Variants in DAB1 observed in about 807,000 individuals in gnomAD.
DAB1 encodes the protein DAB adaptor protein 1.
Under a neutral mutation model 64.6 loss-of-function variants are expected in DAB1, and 15 were observed. That is an observed-to-expected ratio of 0.23 (90% CI 0.16 to 0.36). The LOEUF is 0.36. Among genes scored for constraint, DAB1 ranks in the 10% least tolerant of loss-of-function variants. The pLI, the probability that DAB1 is intolerant of heterozygous loss-of-function variation, is 1.00. For missense variants in DAB1, 596 were observed against 706.7 expected (o/e 0.84, Z 1.78); for synonymous variants, 235 against 251.9 (o/e 0.93, Z 0.64).
intron 4 of DAB1, among the ~76,000 whole-genome samples, chr1:58,157,257 C>CT (rs1237450967): frequency 6.6e-6 from 1 of 152,198 alleles, no homozygotes; most frequent in Admixed American, 6.5e-5. Flanking sequence ...TTCAGCCCCC[C>CT]TCTGCTGAAA....
rs573103769 is a variant in DAB1, at chr1:57,057,823, T to C, written c.723+5061A>G. Among the ~76,000 whole-genome samples the C allele has an allele frequency of 1.5e-4, 23 of 152,090 alleles. No individual in the cohort carries two copies. The South Asian group carries it at 3.7e-3, about 25-fold the overall frequency. On this transcript the variant is annotated intron_variant, in intron 9 of 14. Transcript: ENST00000371236. ...CGGGGTTTCACTGTATTAGCCAGGATGGTCTCGATCTCCTGACCTCCTGAT... is the reference window on the plus strand; with the variant it reads ...CGGGGTTTCACTGTATTAGCCAGGACGGTCTCGATCTCCTGACCTCCTGAT...
At chr1:57,183,187 G>A (rs74074152) in intron 2 of DAB1, among the ~76,000 whole-genome samples, 6,328 of 152,176 alleles carry the variant, frequency 0.042, 205 homozygotes, top group South Asian at 0.14. Context: ...TGAAACTGAC[G>A]GGGAACTGCC....
chr1:57,006,256 A>G (rs903645329), intron 14 of DAB1, among the ~76,000 whole-genome samples: 1 of 152,160 alleles, frequency 6.6e-6, no homozygotes, highest in African/African-American at 2.4e-5. Flanking sequence ...TTTGATCTCC[A>G]GAGGTTGTAT....
At chr1:57,131,535 C>G (rs1657651760) in intron 4 of DAB1, among the ~76,000 whole-genome samples, 1 of 152,170 alleles carries the variant, frequency 6.6e-6, no homozygotes, top group African/African-American at 2.4e-5. Flanking sequence ...GCCTCCTCAG[C>G]TTTTTCCTAA....
chr1:58,529,949 C>T lies in DAB1; in HGVS notation n.33-2614G>A, dbSNP rs191430906. 4.9e-3 allele frequency among the ~76,000 whole-genome samples: 742 copies of T among 152,092 alleles called. 3 individuals carry two copies. Among genetic ancestry groups the T allele is most frequent in the Non-Finnish European group, 8.3e-3 (564 of 67,966 alleles). On this transcript the variant is annotated intron_variant and non_coding_transcript_variant, in intron 1 of 20. Coordinates refer to the DAB1 transcript ENST00000485760. The stretch of plus-strand genomic sequence containing the variant: ...AGGCTGGAGTGCAGTGGCGCAATCT[C>T]GGCTCACAGCAAGCTCTGCCTCCTG...
chr1:57,573,613 A>T (rs1645216724), intron 7 of DAB1, among the ~76,000 whole-genome samples: 1 of 152,170 alleles, frequency 6.6e-6, no homozygotes, highest in Non-Finnish European at 1.5e-5. Context: ...ATAATCTCTT[A>T]ACTATGTCTG....
chr1:57,816,091 T>A (rs1244828999), intron 6 of DAB1, among the ~76,000 whole-genome samples: 1 of 152,222 alleles, frequency 6.6e-6, no homozygotes, highest in Non-Finnish European at 1.5e-5. Flanking sequence ...GTGAGAGTAC[T>A]GAGCTCAAAG....
intron 6 of DAB1, among the ~76,000 whole-genome samples, chr1:57,816,933 G>A (rs1356668062): frequency 1.3e-5 from 2 of 152,122 alleles, no homozygotes; most frequent in East Asian, 3.8e-4. Flanking sequence ...TTGTGCAATG[G>A]CATGTCCCCT....
At chr1:57,901,956 CAA>C in intron 5 of DAB1, among the ~76,000 whole-genome samples, 1 of 151,886 alleles carries the variant, frequency 6.6e-6, no homozygotes, top group African/African-American at 2.4e-5. Context: ...AACAAACAAA[CAA>C]ACACGCGGGC....
chr1:57,257,646 T>C (rs1431781241), intron 2 of DAB1, among the ~76,000 whole-genome samples: 1 of 152,168 alleles, frequency 6.6e-6, no homozygotes, highest in Non-Finnish European at 1.5e-5. Flanking sequence ...GCCTAAAATA[T>C]CTGAAATTTA....
At chr1:57,947,005 G>A (rs946914179) in intron 5 of DAB1, among the ~76,000 whole-genome samples, 1 of 152,120 alleles carries the variant, frequency 6.6e-6, no homozygotes, top group African/African-American at 2.4e-5. Context: ...AATAGTCATA[G>A]TCTTAGTATC....
intron 5 of DAB1, among the ~76,000 whole-genome samples, chr1:58,033,021 G>A (rs868602520): frequency 3.3e-5 from 5 of 152,254 alleles, no homozygotes; most frequent in Admixed American, 6.5e-5. Context: ...TCTGGAATGG[G>A]CGTGCCTGGT....
chr1:57,993,157 T>C (rs1168019261), intron 5 of DAB1, among the ~76,000 whole-genome samples: 2 of 152,160 alleles, frequency 1.3e-5, no homozygotes, highest in Non-Finnish European at 2.9e-5. Flanking sequence ...ACATTTAGGG[T>C]GATTTCCAGC....
rs1328631874 is a variant in DAB1, at chr1:57,193,379, A to ATTTTTT, written c.68-47951_68-47950insAAAAAA. On this transcript the variant is annotated intron_variant, in intron 2 of 14. Transcript: ENST00000371236. Reference sequence around the variant, plus strand: ...TGCCTTCCAGATTCATCCGTAGCATATGTTTTTTTTTTTTTTTTTTTTTTT... The same window carrying ATTTTTT: ...TGCCTTCCAGATTCATCCGTAGCATATTTTTTTGTTTTTTTTTTTTTTTTTTTTTTT... Among the ~76,000 whole-genome samples, 233 of 71,544 alleles carry ATTTTTT rather than the reference A, an allele frequency of 3.3e-3. 5 individuals carry two copies. Among genetic ancestry groups the ATTTTTT allele is most frequent in the African/African-American group, 0.011 (200 of 18,166 alleles). 46.9% of individuals were successfully genotyped at this position (71,544 alleles called of 152,430 possible).
chr1:57,916,358 G>A (rs139339430), intron 5 of DAB1, among the ~76,000 whole-genome samples: 13 of 152,214 alleles, frequency 8.5e-5, no homozygotes, highest in East Asian at 3.9e-4. Flanking sequence ...GAATCCATTC[G>A]AACATAGGCA....
At chr1:58,124,695 C>T (rs561422971) in intron 5 of DAB1, among the ~76,000 whole-genome samples, 36 of 152,244 alleles carry the variant, frequency 2.4e-4, no homozygotes, top group African/African-American at 6.7e-4. Flanking sequence ...ATGTAGATTG[C>T]GGAGTCAGTG....
intron 2 of DAB1, among the ~76,000 whole-genome samples, chr1:58,520,561 G>A (rs113154879): frequency 2.0e-5 from 3 of 152,198 alleles, no homozygotes; most frequent in African/African-American, 7.2e-5. Context: ...AAAAACAACA[G>A]CAATGTTCTG....
chr1:57,736,104 C>T (rs773466478), intron 6 of DAB1, among the ~76,000 whole-genome samples: 6 of 152,134 alleles, frequency 3.9e-5, no homozygotes, highest in Admixed American at 2.6e-4. Flanking sequence ...AATGCCTCCC[C>T]GTACGGACGG....
At chr1:57,883,845 C>A (rs1644183121) in intron 1 of DAB1, among the ~76,000 whole-genome samples, 2 of 152,228 alleles carry the variant, frequency 1.3e-5, no homozygotes, top group South Asian at 2.1e-4. Flanking sequence ...AAATAATGAA[C>A]CTTGGGTTAT....
Sources: allele counts gnomAD v4.1 joint callset (sites outside exome capture counted in the v4.1 genomes callset), GRCh38; gene constraint gnomAD v4.1.1; transcripts MANE v1.5; gene names NCBI Gene and HGNC (gene_info 2026-07-23, HGNC 2026-07-21).